Variants in SLC7A13 observed in about 807,000 individuals in gnomAD.
The protein encoded by SLC7A13 is solute carrier family 7 member 13.
SLC7A13 carries 31 observed loss-of-function variants against 32.0 expected under a neutral mutation model. The observed-to-expected ratio is 0.97, with a 90% CI of 0.73 to 1.31. The LOEUF (loss-of-function observed/expected upper bound fraction) is 1.31, where lower values mean the gene tolerates loss of function less well. SLC7A13 is among the 50% of genes most tolerant of loss of function. The pLI is 0.00. For synonymous variants in SLC7A13, 232 were observed against 206.9 expected, an observed-to-expected ratio of 1.12 and a Z score of -1.04; for missense variants, 633 against 546.9, an observed-to-expected ratio of 1.16 and a Z score of -1.57.
chr8:86,220,887 A>G (rs926451975), intron 2 of SLC7A13, among the ~76,000 whole-genome samples: 1 of 151,842 alleles, frequency 6.6e-6, no homozygotes, highest in Non-Finnish European at 1.5e-5. Context: ...CCAGCTACTC[A>G]AAAGGCTGAG....
chr8:86,217,535 T>C lies in SLC7A13; in HGVS notation c.1114A>G (p.Ile372Val). The stretch of plus-strand genomic sequence containing the variant: ...CTTAGTATTCCTATCATTAATAATA[T>C]AGACCATAATGAACCCGTGAAAAAA... ...YIFFTGSLWSILLMIGILRRR... is the reference protein window; with the variant it reads ...YIFFTGSLWSVLLMIGILRRR... Residue 372 changes from isoleucine (I) to valine (V), a missense_variant, in exon 3 of 4, where the codon ATA becomes GTA. Physicochemically the swap from Ile to Val is conservative, Grantham distance 29. Transcript: ENST00000297524. The C allele has an allele frequency of 6.2e-7, 1 of 1,610,582 alleles. No homozygotes were observed. Among genetic ancestry groups the C allele is most frequent in the East Asian group, 2.2e-5 (1 of 44,804 alleles).
chr8:86,216,951 C>A, intron 3 of SLC7A13, among the ~76,000 whole-genome samples: 1 of 152,254 alleles, frequency 6.6e-6, no homozygotes, highest in Non-Finnish European at 1.5e-5. Flanking sequence ...TGCTTATTTC[C>A]TTTTCTACAA....
At chr8:86,217,891 A>G (rs1480117718) in intron 2 of SLC7A13, 60 bp from the exon 3 acceptor site, 5 of 1,438,154 alleles carry the variant, frequency 3.5e-6, no homozygotes, top group Non-Finnish European at 4.6e-6. Flanking sequence ...CTAATGATAA[A>G]CCTTTTAATA....
intron 3 of SLC7A13, 91 bp from the exon 4 acceptor site, chr8:86,214,737 G>A (rs1006623008): frequency 9.4e-5 from 88 of 933,614 alleles, no homozygotes; most frequent in Non-Finnish European, 1.3e-4. Flanking sequence ...AAAGATACAA[G>A]CTAATTAAAG....
chr8:86,218,367 G>A (rs1820229968), intron 2 of SLC7A13, among the ~76,000 whole-genome samples: 1 of 152,088 alleles, frequency 6.6e-6, no homozygotes, highest in Non-Finnish European at 1.5e-5. Flanking sequence ...AAGAAAATAA[G>A]TTACACACCA....
rs1316033848 is a variant in SLC7A13, at chr8:86,222,933, C to A, written c.817+39G>T. On this transcript the variant is annotated intron_variant, in intron 2 of 3. Coordinates refer to ENST00000297524, the MANE Select transcript of SLC7A13 (RefSeq NM_138817.3). Reference sequence around the variant, plus strand: ...GAAATGATAGTTACGTTGAAAGGACCAGCACTTTATTTATTGCTTTAGCCA... The same window carrying A: ...GAAATGATAGTTACGTTGAAAGGACAAGCACTTTATTTATTGCTTTAGCCA... The A allele has an allele frequency of 5.8e-6, 9 of 1,539,910 alleles. No individual in the cohort carries two copies. The East Asian group carries it at 1.7e-4, about 29-fold the overall frequency.
In SLC7A13 at chr8:86,230,236, T is replaced by C; in HGVS notation, c.42A>G (p.Gly14=). The part of the protein sequence containing the change: ...GEKIQLKRVF[G]YWWGTSFLLI... ...GCAAAAAACTTGTGCCCCACCAATA[T>C]CCAAACACTCTCTTGAGCTGTATTT... Residue 14 remains glycine, a synonymous_variant, in exon 1 of 4, where the codon GGA becomes GGG. Transcript: ENST00000297524. The C allele has an allele frequency of 6.2e-7, 1 of 1,612,874 alleles. No individual in the cohort carries two copies.
intron 1 of SLC7A13, 65 bp from the exon 2 acceptor site, chr8:86,223,168 G>T (rs1298709585): frequency 2.1e-6 from 3 of 1,424,212 alleles, no homozygotes; most frequent in East Asian, 2.5e-5. Context: ...ATTATTTTTA[G>T]ATTATTATTT....
At position 86,229,202 on chromosome 8, in the gene SLC7A13, C is replaced by T. The variant is rs1423828918; in HGVS notation, c.685+391G>A. The stretch of plus-strand genomic sequence containing the variant: ...GTAAGTAAATAAAAATACTTAGAGC[C>T]TCAATGCGTCATACCTACCTACAAC... On this transcript the variant is annotated intron_variant, in intron 1 of 3. Transcript: ENST00000297524. Among the ~76,000 whole-genome samples the T allele has an allele frequency of 2.0e-5, 3 of 152,016 alleles. No individual in the cohort carries two copies. In the East Asian group the frequency reaches 5.8e-4, roughly 29 times the overall value.
chr8:86,229,768 T>C lies in SLC7A13; in HGVS notation c.510A>G (p.Ile170Met), dbSNP rs770555645. ...QIASSVLKVS[I>M]LSFISLTGVV... ...CTCCAGTTAGGGAAATGAAGCTAAG[T>C]ATGGACACTTTCAGCACTGAGCTAG... is the stretch of plus-strand genomic sequence containing the variant. The change falls in exon 1 of 4, where the codon ATA becomes ATG. Residue 170 changes from isoleucine (I) to methionine (M), a missense_variant. Ile to Met is a conservative substitution (Grantham distance 10, BLOSUM62 1). Transcript: ENST00000297524. 1.2e-6 allele frequency: 2 copies of C among 1,614,110 alleles called. No individual in the cohort carries two copies. Among genetic ancestry groups the C allele is most frequent in the Non-Finnish European group, 1.7e-6 (2 of 1,180,044 alleles).
intron 2 of SLC7A13, 115 bp from the exon 3 acceptor site, chr8:86,217,946 A>C (rs1015627894): frequency 8.6e-7 from 1 of 1,165,866 alleles, no homozygotes; most frequent in African/African-American, 1.6e-5. Flanking sequence ...AATAACATTT[A>C]GTTTGCTTAA....
Position 86,214,343 on chromosome 8 carries a change from T to G in SLC7A13, c.*70A>C, listed in dbSNP as rs1057102324. ...CACCATGAATGTTCTATCATATGTTTAACCTTGATTTGGAATCTGATATAT... is the reference window on the plus strand; with the variant it reads ...CACCATGAATGTTCTATCATATGTTGAACCTTGATTTGGAATCTGATATAT... On this transcript the variant is annotated 3_prime_UTR_variant, in exon 4 of 4. Transcript: ENST00000297524. 1.2e-6 allele frequency: 1 copy of G among 856,800 alleles called. No individual in the cohort carries two copies. The highest frequency in any genetic ancestry group is 1.8e-6 in the Non-Finnish European group (1 of 553,938). 53.1% of individuals were successfully genotyped at this position (856,800 alleles called of 1,614,324 possible).
At chr8:86,228,542 T>A (rs1421578335) in intron 1 of SLC7A13, among the ~76,000 whole-genome samples, 1 of 151,862 alleles carries the variant, frequency 6.6e-6, no homozygotes, top group East Asian at 1.9e-4. Context: ...CTCAGATAAT[T>A]TTTTAAGAAA....
chr8:86,229,458 T>C, intron 1 of SLC7A13, 135 bp downstream of exon 1: 3 of 840,850 alleles, frequency 3.6e-6, no homozygotes, highest in Non-Finnish European at 5.5e-6. Flanking sequence ...CAGGCTGGCA[T>C]GATCTGATTC....
intron 2 of SLC7A13, among the ~76,000 whole-genome samples, chr8:86,220,500 T>G (rs535537836): frequency 6.6e-6 from 1 of 152,006 alleles, no homozygotes; most frequent in Non-Finnish European, 1.5e-5. Context: ...ATTAATACCA[T>G]TCTTTCTTTT....
Position 86,220,088 on chromosome 8 carries a change from TAAC to T in SLC7A13, c.818-2260_818-2258del, listed in dbSNP as rs1362995181. ...TCATTGGCTATCTTATCAAAATTTT[TAAC>T]AACATCTGGGTACTTGGGACCAGCT... On this transcript the variant is annotated intron_variant, in intron 2 of 3. Coordinates refer to ENST00000297524, the MANE Select transcript of SLC7A13 (RefSeq NM_138817.3). Among the ~76,000 whole-genome samples, 5 of 152,146 alleles carry T rather than the reference TAAC, an allele frequency of 3.3e-5. No individual in the cohort carries two copies. The South Asian group carries it at 8.3e-4, about 25-fold the overall frequency.
Position 86,217,655 on chromosome 8 carries a change from T to C in SLC7A13, c.994A>G (p.Ser332Gly), listed in dbSNP as rs1435694834. The stretch of plus-strand genomic sequence containing the variant: ...ACAGCTGTAAATGGAGAAGAGTGAC[T>C]ATTAAGTGTATTAAATAGCAAAGGC... The part of the protein sequence containing the change: ...QLPLLFNTLN[S>G]HSSPFTAVLL... Residue 332 changes from serine to glycine, a missense_variant, in exon 3 of 4, where the codon AGT becomes GGT. Physicochemically the swap from Ser to Gly is moderately conservative, Grantham distance 56 (BLOSUM62 0). Coordinates refer to ENST00000297524, the MANE Select transcript of SLC7A13 (RefSeq NM_138817.3). The C allele has an allele frequency of 6.3e-7, 1 of 1,576,644 alleles. No homozygotes were observed. Among genetic ancestry groups the C allele is most frequent in the Non-Finnish European group, 8.7e-7 (1 of 1,146,980 alleles).
intron 1 of SLC7A13, among the ~76,000 whole-genome samples, chr8:86,223,475 A>G (rs1175071872): frequency 6.6e-6 from 1 of 152,002 alleles, no homozygotes; most frequent in Non-Finnish European, 1.5e-5. Flanking sequence ...AGCTGCATTC[A>G]TGTTGCTGAA....
intron 1 of SLC7A13, among the ~76,000 whole-genome samples, chr8:86,223,575 C>T (rs959885067): frequency 2.6e-5 from 4 of 151,910 alleles, no homozygotes; most frequent in African/African-American, 9.7e-5. Context: ...AACATGAGTG[C>T]AGATGTCCTA....
Sources: gnomAD v4.1 joint callset for allele counts (sites outside exome capture counted in the v4.1 genomes callset) on GRCh38, gnomAD v4.1.1 for gene constraint, MANE v1.5 for transcripts, NCBI Gene and HGNC (gene_info 2026-07-23, HGNC 2026-07-21) for gene names.